The following YEATS2 variants were observed in gnomAD, a reference collection of about 807,000 sequenced individuals.
YEATS2 encodes YEATS domain containing 2, also known as YEATS domain-containing protein 2.
A neutral mutation model predicts 163.2 loss-of-function variants in YEATS2; 77 were observed. That is an observed-to-expected ratio of 0.47 (90% CI 0.39 to 0.57). YEATS2 has a LOEUF of 0.57. Among genes scored for constraint, YEATS2 ranks in the 20% least tolerant of loss-of-function variants. YEATS2 has a pLI of 0.00. For synonymous variants in YEATS2, 631 were observed against 645.1 expected (o/e 0.98, Z 0.33); for missense variants, 1,549 against 1,729.8 (o/e 0.90, Z 1.85).
In YEATS2 at chr3:183,776,108, C is replaced by T; in HGVS notation, c.2562C>T (p.Leu854=). Residue 854 remains leucine, a synonymous_variant, in exon 18 of 31, where the codon CTC becomes CTT. Transcript: ENST00000305135. ...ACCTGACTTACACATCTTACATCCT[C>T]AAGCAAACTCCCCAGGTCTGGTTCT... is the stretch of plus-strand genomic sequence containing the variant. ...SQHLTYTSYI[L]KQTPQGTFLV... The T allele has an allele frequency of 1.9e-6, 3 of 1,583,384 alleles. No individual in the cohort carries two copies. The highest frequency in any genetic ancestry group is 2.6e-6 in the Non-Finnish European group (3 of 1,165,254).
intron 1 of YEATS2, among the ~76,000 whole-genome samples, chr3:183,713,732 A>C (rs972162622): frequency 5.2e-5 from 8 of 152,388 alleles, no homozygotes; most frequent in Admixed American, 3.3e-4. Flanking sequence ...AGCACTGTCC[A>C]ATAAACTCGT....
intron 19 of YEATS2, among the ~76,000 whole-genome samples, chr3:183,781,238 G>C (rs568648903): frequency 6.6e-6 from 1 of 152,284 alleles, no homozygotes; most frequent in East Asian, 1.9e-4. Context: ...GATTCAGTCT[G>C]ACTACAAAGG....
intron 1 of YEATS2, among the ~76,000 whole-genome samples, chr3:183,714,102 C>A (rs1715559547): frequency 6.6e-6 from 1 of 151,828 alleles, no homozygotes; most frequent in Admixed American, 6.6e-5. Context: ...CACACCCGGC[C>A]CATAATTTTA....
intron 13 of YEATS2, among the ~76,000 whole-genome samples, chr3:183,760,581 C>G (rs928167552): frequency 6.6e-6 from 1 of 152,206 alleles, no homozygotes; most frequent in African/African-American, 2.4e-5. Flanking sequence ...CTCAGCCTCC[C>G]AAAGTGCTGG....
chr3:183,749,381 G>A (rs1719918272), intron 9 of YEATS2, among the ~76,000 whole-genome samples: 1 of 152,086 alleles, frequency 6.6e-6, no homozygotes. Flanking sequence ...TCCATCTTTA[G>A]AACTGTTTTC....
chr3:183,785,317 A>G (rs1440912076), intron 19 of YEATS2, among the ~76,000 whole-genome samples: 2 of 151,656 alleles, frequency 1.3e-5, no homozygotes, highest in Non-Finnish European at 2.9e-5. Flanking sequence ...GTGAAACCCC[A>G]TCTCTACTAA....
At chr3:183,716,810 C>T (rs1715928169) in intron 2 of YEATS2, among the ~76,000 whole-genome samples, 1 of 152,044 alleles carries the variant, frequency 6.6e-6, no homozygotes, top group Non-Finnish European at 1.5e-5. Context: ...GGTGTCCATG[C>T]TCTACCTAAT....
chr3:183,705,447 T>G (rs1329288670), intron 1 of YEATS2, among the ~76,000 whole-genome samples: 2 of 152,230 alleles, frequency 1.3e-5, no homozygotes, highest in Non-Finnish European at 2.9e-5. Context: ...TGTATGTATT[T>G]TGATACTATA....
chr3:183,711,294 C>A (rs1288805953), intron 1 of YEATS2, among the ~76,000 whole-genome samples: 5 of 151,736 alleles, frequency 3.3e-5, no homozygotes, highest in Non-Finnish European at 7.4e-5. Flanking sequence ...CACAGTAAAA[C>A]CCCGTCTCCA....
intron 1 of YEATS2, among the ~76,000 whole-genome samples, chr3:183,702,301 C>T (rs1016464960): frequency 2.0e-5 from 3 of 151,520 alleles, no homozygotes; most frequent in Non-Finnish European, 2.9e-5. Flanking sequence ...AAAAATGAGC[C>T]GGGTGTGGTG....
At chr3:183,722,174 GA>G in intron 5 of YEATS2, 38 bp downstream of exon 5, 3 of 1,560,932 alleles carry the variant, frequency 1.9e-6, no homozygotes, top group Non-Finnish European at 2.6e-6. Flanking sequence ...AGCCACAGGA[GA>G]AGGGAACTAT....
chr3:183,733,880 A>T (rs747735329), intron 7 of YEATS2, among the ~76,000 whole-genome samples: 2 of 151,848 alleles, frequency 1.3e-5, no homozygotes, highest in African/African-American at 2.4e-5. Context: ...TGGTGACTAG[A>T]TATGTGCTAG....
intron 12 of YEATS2, among the ~76,000 whole-genome samples, chr3:183,758,042 A>T (rs1034626953): frequency 1.3e-5 from 2 of 152,128 alleles, no homozygotes; most frequent in African/African-American, 4.8e-5. Context: ...CTCTAAAGGC[A>T]GTTGTACAGA....
At chr3:183,698,125 G>C (rs1713670460) in intron 1 of YEATS2, 132 bp downstream of exon 1, 1 of 152,090 alleles carries the variant, frequency 6.6e-6, no homozygotes, top group Non-Finnish European at 1.5e-5. Context: ...AGCGGGACCC[G>C]GTGAGGCCCC....
At chr3:183,805,799 G>C (rs185823233) in intron 27 of YEATS2, among the ~76,000 whole-genome samples, 32 of 151,950 alleles carry the variant, frequency 2.1e-4, no homozygotes, top group Admixed American at 1.0e-3. Flanking sequence ...AAAAAAAAAG[G>C]GGGGGCAAGT....
At chr3:183,736,634 G>A in intron 7 of YEATS2, 84 bp from the exon 8 acceptor site, 1 of 904,654 alleles carries the variant, frequency 1.1e-6, no homozygotes, top group Non-Finnish European at 1.6e-6. Context: ...GTGAATTTCT[G>A]ATTTATGCAT....
chr3:183,712,941 A>G (rs967691001), intron 1 of YEATS2, among the ~76,000 whole-genome samples: 6 of 151,920 alleles, frequency 3.9e-5, no homozygotes, highest in Middle Eastern at 3.4e-3. Flanking sequence ...TTGTATTTTT[A>G]GTGGAGACGG....
At position 183,754,328 on chromosome 3, in the gene YEATS2, C is replaced by G. The variant is rs766178697; in HGVS notation, c.1353C>G (p.Ser451=). The G allele has an allele frequency of 6.2e-7, 1 of 1,613,980 alleles. No individual in the cohort carries two copies. Among genetic ancestry groups the G allele is most frequent in the Non-Finnish European group, 8.5e-7 (1 of 1,179,912 alleles). The change falls in exon 11 of 31, where the codon TCC becomes TCG. Residue 451 remains serine, a synonymous_variant. Transcript: ENST00000305135. ...CTAATCCTGAGTCACCTGGAAAATC[C>G]TTCCAGCCCATCACCATGAGCTGCA... The part of the protein sequence containing the change: ...QVPNPESPGK[S]FQPITMSCKI...
intron 21 of YEATS2, among the ~76,000 whole-genome samples, chr3:183,794,970 G>A (rs1450105205): frequency 6.7e-6 from 1 of 149,804 alleles, no homozygotes; most frequent in African/African-American, 2.5e-5. Flanking sequence ...GGGAGTTTGA[G>A]ACAAGCCTGG....
Sources: allele counts gnomAD v4.1 joint callset (sites outside exome capture counted in the v4.1 genomes callset), GRCh38; gene constraint gnomAD v4.1.1; transcripts MANE v1.5; gene names NCBI Gene and HGNC (gene_info 2026-07-23, HGNC 2026-07-21).